Variants in MAP4K3 observed in about 807,000 individuals in gnomAD.
MAP4K3 encodes the protein MAPK/ERK kinase kinase kinase 3.
Under a neutral mutation model 143.5 loss-of-function variants are expected in MAP4K3, and 94 were observed. The ratio of observed to expected loss-of-function variants is 0.65; its 90% CI spans 0.55 to 0.78. The LOEUF is 0.78. MAP4K3 is among the 30% of genes least tolerant of loss of function. The pLI is 0.00. For missense variants in MAP4K3, 1,077 were observed against 1,068.1 expected, an observed-to-expected ratio of 1.01 and a Z score of -0.12; for synonymous variants, 416 against 347.2, an observed-to-expected ratio of 1.20 and a Z score of -2.20.
intron 4 of MAP4K3, among the ~76,000 whole-genome samples, chr2:39,342,973 G>A (rs191166662): frequency 2.0e-4 from 31 of 152,206 alleles, no homozygotes; most frequent in Admixed American, 6.5e-5. Context: ...GAATCCCTCG[G>A]AATCTGGCAG....
intron 1 of MAP4K3, among the ~76,000 whole-genome samples, chr2:39,403,841 AGAAG>A (rs1667019767): frequency 1.3e-5 from 2 of 150,478 alleles, no homozygotes; most frequent in Non-Finnish European, 3.0e-5. Context: ...GCTTGAGGAG[AGAAG>A]GAAGAGTGAA....
At chr2:39,304,289 T>C (rs538684789) in intron 15 of MAP4K3, among the ~76,000 whole-genome samples, 5 of 152,312 alleles carry the variant, frequency 3.3e-5, no homozygotes, top group East Asian at 1.9e-4. Context: ...GGAATGTTTA[T>C]GTAGCAAGGT....
rs368855065 is a variant in MAP4K3, at chr2:39,272,080, T to C, written c.1973+203A>G. 262 of 400,056 alleles carry C rather than the reference T, an allele frequency of 6.5e-4. 2 individuals are homozygous for C. In the South Asian group the frequency reaches 0.018, roughly 28 times the overall value. The allele number at this position is 400,056 out of a possible 1,614,324, so 24.8% of individuals were successfully genotyped here. ...AAGAATAAAAAATTCAGAGAGAAAATGTCTGATATAATTTGAAAGTACAAA... is the reference window on the plus strand; with the variant it reads ...AAGAATAAAAAATTCAGAGAGAAAACGTCTGATATAATTTGAAAGTACAAA... On this transcript the variant is annotated intron_variant, in intron 26 of 33. Coordinates refer to ENST00000263881, the MANE Select transcript of MAP4K3 (RefSeq NM_003618.4).
chr2:39,333,653 T>G lies in MAP4K3; in HGVS notation c.415-79A>C. The G allele has an allele frequency of 6.8e-6, 5 of 736,230 alleles. No individual in the cohort carries two copies. The East Asian group carries it at 8.6e-5, about 13-fold the overall frequency. The allele number at this position is 736,230 out of a possible 1,614,324, so 45.6% of individuals were successfully genotyped here. ...GCACATATATAATAAATATACATAT[T>G]TAAAATAATCACAGCCTTAGACCTA... On this transcript the variant is annotated intron_variant, in intron 6 of 33. Transcript: ENST00000263881.
intron 12 of MAP4K3, among the ~76,000 whole-genome samples, chr2:39,320,203 T>A (rs921361314): frequency 2.0e-5 from 3 of 152,190 alleles, no homozygotes; most frequent in Non-Finnish European, 4.4e-5. Flanking sequence ...AAATTAAGTA[T>A]TTCAATAATT....
chr2:39,433,828 T>C (rs1296374637), intron 1 of MAP4K3, among the ~76,000 whole-genome samples: 2 of 152,074 alleles, frequency 1.3e-5, no homozygotes, highest in East Asian at 1.9e-4. Flanking sequence ...GCAGATAAAA[T>C]GTATATATGC....
At chr2:39,319,218 T>C (rs955716920) in intron 12 of MAP4K3, among the ~76,000 whole-genome samples, 1 of 151,784 alleles carries the variant, frequency 6.6e-6, no homozygotes, top group African/African-American at 2.4e-5. Context: ...GTATATACAC[T>C]CAATTACATA....
rs367968818 is a variant in MAP4K3, at chr2:39,266,544, CTCTCCATCTAT to C, written c.2032+634_2032+644del. On this transcript the variant is annotated intron_variant, in intron 27 of 33. Coordinates refer to ENST00000263881, the MANE Select transcript of MAP4K3 (RefSeq NM_003618.4). Reference sequence around the variant, plus strand: ...ATGTCATTTCTTCTGTTTGAAATGACTCTCCATCTATTCAGTTCAAATCTGAATCTGCCTTA... The same window carrying C: ...ATGTCATTTCTTCTGTTTGAAATGACTCAGTTCAAATCTGAATCTGCCTTA... 4.7e-3 allele frequency among the ~76,000 whole-genome samples: 721 copies of C among 152,100 alleles called. 3 individuals are homozygous for C. The highest frequency in any genetic ancestry group is 0.016 in the African/African-American group (684 of 41,496).
At chr2:39,295,602 C>G (rs140267596) in intron 16 of MAP4K3, among the ~76,000 whole-genome samples, 2 of 151,470 alleles carry the variant, frequency 1.3e-5, no homozygotes, top group East Asian at 3.9e-4. Context: ...AAGCACATGA[C>G]AATCTTTTTT....
At chr2:39,433,789 G>T (rs752010067) in intron 1 of MAP4K3, among the ~76,000 whole-genome samples, 1 of 152,070 alleles carries the variant, frequency 6.6e-6, no homozygotes, top group Non-Finnish European at 1.5e-5. Context: ...AGAGTTACAC[G>T]ACACTTACAA....
intron 1 of MAP4K3, among the ~76,000 whole-genome samples, chr2:39,397,499 A>G (rs571003491): frequency 2.4e-4 from 37 of 152,330 alleles, no homozygotes; most frequent in African/African-American, 7.2e-4. Flanking sequence ...GAAAGTTATA[A>G]TCATATTCTT....
At chr2:39,394,825 A>T (rs1666761201) in intron 1 of MAP4K3, among the ~76,000 whole-genome samples, 1 of 152,130 alleles carries the variant, frequency 6.6e-6, no homozygotes, top group Non-Finnish European at 1.5e-5. Flanking sequence ...TTTGATAATA[A>T]CTAGTTTCTA....
At position 39,414,076 on chromosome 2, in the gene MAP4K3, AGTTAAACTT is replaced by A. The variant is rs1667303117; in HGVS notation, c.96+22807_96+22815del. On this transcript the variant is annotated intron_variant, in intron 1 of 33. Transcript: ENST00000263881. ...ATGGTCAGCTTTAAAGCACTCTCAT[AGTTAAACTT>A]GATTTTGTTCCTCTCTGTCTTGATA... 2.0e-5 allele frequency among the ~76,000 whole-genome samples: 3 copies of A among 152,312 alleles called. No homozygotes were observed. The South Asian group carries it at 6.2e-4, about 32-fold the overall frequency.
At chr2:39,274,163 T>C (rs1681151185) in intron 24 of MAP4K3, among the ~76,000 whole-genome samples, 2 of 152,018 alleles carry the variant, frequency 1.3e-5, no homozygotes, top group Non-Finnish European at 2.9e-5. Flanking sequence ...TGAAAAGGTA[T>C]TTATGTATAG....
intron 16 of MAP4K3, among the ~76,000 whole-genome samples, chr2:39,296,724 A>G (rs1484933569): frequency 1.3e-5 from 2 of 152,246 alleles, no homozygotes; most frequent in Non-Finnish European, 2.9e-5. Context: ...CTATTTCTCT[A>G]AAATTAAACA....
intron 29 of MAP4K3, among the ~76,000 whole-genome samples, chr2:39,259,198 G>A (rs1425323642): frequency 2.0e-5 from 3 of 151,840 alleles, no homozygotes; most frequent in Non-Finnish European, 2.9e-5. Flanking sequence ...CTGCTATATC[G>A]CCTAGGCTGA....
intron 27 of MAP4K3, among the ~76,000 whole-genome samples, chr2:39,265,877 A>C (rs867174159): frequency 2.6e-5 from 4 of 152,232 alleles, no homozygotes; most frequent in Middle Eastern, 3.4e-3. Context: ...AGATTTTGAA[A>C]TTTTCTTCTG....
chr2:39,433,788 C>T (rs559609021), intron 1 of MAP4K3, among the ~76,000 whole-genome samples: 6 of 152,128 alleles, frequency 3.9e-5, no homozygotes, highest in South Asian at 2.1e-4. Flanking sequence ...CAGAGTTACA[C>T]GACACTTACA....
At chr2:39,335,373 T>G (rs1310007974) in intron 6 of MAP4K3, among the ~76,000 whole-genome samples, 2 of 152,070 alleles carry the variant, frequency 1.3e-5, no homozygotes, top group African/African-American at 4.8e-5. Flanking sequence ...TATGGTGGCT[T>G]AGACAGGAGT....
Sources: gnomAD v4.1 joint callset for allele counts (sites outside exome capture counted in the v4.1 genomes callset) on GRCh38, gnomAD v4.1.1 for gene constraint, MANE v1.5 for transcripts, NCBI Gene and HGNC (gene_info 2026-07-23, HGNC 2026-07-21) for gene names.